The following TUSC3 variants were observed in gnomAD, a reference collection of about 807,000 sequenced individuals.
The protein encoded by TUSC3 is dolichyl-diphosphooligosaccharide--protein glycosyltransferase subunit TUSC3.
Under a neutral mutation model 44.8 loss-of-function variants are expected in TUSC3, and 45 were observed. That is an observed-to-expected ratio of 1.00 (90% CI 0.79 to 1.29). TUSC3 has a LOEUF of 1.29. TUSC3 is among the 50% of genes most tolerant of loss of function. The pLI is 0.00. For synonymous variants in TUSC3, 212 were observed against 152.9 expected (o/e 1.39, Z -2.85); for missense variants, 519 against 437.9 (o/e 1.19, Z -1.65).
At chr8:15,682,769 T>A (rs1253640075) in intron 6 of TUSC3, among the ~76,000 whole-genome samples, 1 of 151,982 alleles carries the variant, frequency 6.6e-6, no homozygotes, top group Non-Finnish European at 1.5e-5. Context: ...TGTGTTTCTG[T>A]GGTGGCAGCT....
At chr8:15,655,536 C>T (rs1389719584) in intron 3 of TUSC3, among the ~76,000 whole-genome samples, 1 of 152,238 alleles carries the variant, frequency 6.6e-6, no homozygotes, top group Admixed American at 6.5e-5. Flanking sequence ...CCGAACAGTG[C>T]ACTTTGATGT....
At chr8:15,476,341 A>T (rs1238652898) in intron 1 of TUSC3, among the ~76,000 whole-genome samples, 1 of 152,140 alleles carries the variant, frequency 6.6e-6, no homozygotes, top group East Asian at 1.9e-4. Context: ...ATTATACTTT[A>T]TCCTTTTTGT....
At chr8:15,770,643 T>C (rs1283385942), downstream of TUSC3, among the ~76,000 whole-genome samples, 2 of 152,070 alleles carry the variant, frequency 1.3e-5, no homozygotes, top group Non-Finnish European at 2.9e-5. Flanking sequence ...AATAATATAG[T>C]AATAATTGGA....
the TUSC3 span, among the ~76,000 whole-genome samples, chr8:15,805,496 G>A: frequency 6.6e-6 from 1 of 152,086 alleles, no homozygotes; most frequent in Non-Finnish European, 1.5e-5. Flanking sequence ...TTATTTTGAT[G>A]TATGTTCCTT....
At chr8:15,592,848 G>A (rs1006073763) in intron 1 of TUSC3, among the ~76,000 whole-genome samples, 1 of 152,036 alleles carries the variant, frequency 6.6e-6, no homozygotes, top group South Asian at 2.1e-4. Flanking sequence ...TTAAAGATGA[G>A]GAAAACGAGG....
chr8:15,583,033 G>A (rs920821813), intron 1 of TUSC3, among the ~76,000 whole-genome samples: 3 of 152,136 alleles, frequency 2.0e-5, no homozygotes, highest in Non-Finnish European at 2.9e-5. Context: ...AAAGATACAT[G>A]TAGCTAGGTG....
At chr8:15,758,031 G>C in intron 10 of TUSC3, 176 bp downstream of exon 10, 1 of 1,405,550 alleles carries the variant, frequency 7.1e-7, no homozygotes, top group Non-Finnish European at 9.2e-7. Flanking sequence ...CTGCCACAGG[G>C]AGAAGTCCTC....
chr8:15,590,781 C>T (rs1241401414), intron 1 of TUSC3, among the ~76,000 whole-genome samples: 1 of 151,858 alleles, frequency 6.6e-6, no homozygotes, highest in African/African-American at 2.4e-5. Flanking sequence ...AGGCAGTCCT[C>T]TCACCACAGC....
rs537796352 is a variant in TUSC3, at chr8:15,650,702, C to T, written c.314C>T (p.Ala105Val). ...PQRQCSVCRQ[A>V]NEEYQILANS... ...TGGCCCATTATTCTTATCAGGCAAGCTAATGAAGAATATCAAATACTGGCG... is the reference window on the plus strand; with the variant it reads ...TGGCCCATTATTCTTATCAGGCAAGTTAATGAAGAATATCAAATACTGGCG... Residue 105 changes from alanine (A) to valine (V), a missense_variant, in exon 3 of 11, where the codon GCT (alanine) becomes GTT (valine). By Grantham distance (64) the Ala-to-Val change is moderately conservative. Transcript: ENST00000503731. 6.2e-7 allele frequency: 1 copy of T among 1,613,908 alleles called. No individual in the cohort carries two copies. Among genetic ancestry groups the T allele is most frequent in the South Asian group, 1.1e-5 (1 of 91,072 alleles).
chr8:15,645,745 A>C (rs189952855), intron 2 of TUSC3, among the ~76,000 whole-genome samples: 68 of 152,240 alleles, frequency 4.5e-4, no homozygotes, highest in Admixed American at 4.1e-3. Flanking sequence ...TGAGTCATGA[A>C]CACTATTCCT....
intron 6 of TUSC3, among the ~76,000 whole-genome samples, chr8:15,680,722 G>C (rs984643622): frequency 2.0e-5 from 3 of 152,042 alleles, no homozygotes; most frequent in Non-Finnish European, 4.4e-5. Flanking sequence ...TGTTGCCTGT[G>C]GGTTTGTCAT....
At chr8:15,566,606 T>TTTG (rs200620047) in intron 1 of TUSC3, among the ~76,000 whole-genome samples, 18 of 143,826 alleles carry the variant, frequency 1.3e-4, no homozygotes, top group African/African-American at 1.8e-4. Flanking sequence ...GACACATTTT[T>TTTG]TTGTTGTTGT....
At chr8:15,720,999 G>A (rs1313130834) in intron 6 of TUSC3, among the ~76,000 whole-genome samples, 2 of 151,948 alleles carry the variant, frequency 1.3e-5, no homozygotes, top group Non-Finnish European at 2.9e-5. Context: ...ATGGACATTC[G>A]TATTCATAGG....
intron 5 of TUSC3, among the ~76,000 whole-genome samples, chr8:15,668,931 G>A (rs1022182663): frequency 6.6e-6 from 1 of 151,734 alleles, no homozygotes; most frequent in Non-Finnish European, 1.5e-5. Context: ...ATGTATGCTG[G>A]TGGTAAATGG....
downstream of TUSC3, among the ~76,000 whole-genome samples, chr8:15,770,593 G>A (rs965732734): frequency 1.3e-5 from 2 of 151,998 alleles, no homozygotes; most frequent in South Asian, 2.1e-4. Flanking sequence ...AAATTCCGAT[G>A]TTGAAAAATA....
At chr8:15,630,168 G>A (rs760135545) in intron 2 of TUSC3, among the ~76,000 whole-genome samples, 5 of 152,114 alleles carry the variant, frequency 3.3e-5, no homozygotes, top group Non-Finnish European at 5.9e-5. Flanking sequence ...CTATGGATCA[G>A]TAGATTTAAG....
chr8:15,797,033 C>T, the TUSC3 span, among the ~76,000 whole-genome samples: 1 of 152,196 alleles, frequency 6.6e-6, no homozygotes, highest in African/African-American at 2.4e-5. Context: ...CTTACCCTCT[C>T]CCTAACTGCA....
At chr8:15,849,587 G>C in the TUSC3 span, among the ~76,000 whole-genome samples, 1 of 152,116 alleles carries the variant, frequency 6.6e-6, no homozygotes, top group Non-Finnish European at 1.5e-5. Flanking sequence ...GCAACAAAGT[G>C]TGATTTCAAC....
intron 3 of TUSC3, among the ~76,000 whole-genome samples, chr8:15,652,128 T>C (rs749261910): frequency 6.6e-6 from 1 of 152,240 alleles, no homozygotes; most frequent in Non-Finnish European, 1.5e-5. Context: ...ATGTTTTTAC[T>C]ATGTGATCAA....
Sources: gnomAD v4.1 joint callset for allele counts (sites outside exome capture counted in the v4.1 genomes callset) on GRCh38, gnomAD v4.1.1 for gene constraint, MANE v1.5 for transcripts, NCBI Gene and HGNC (gene_info 2026-07-23, HGNC 2026-07-21) for gene names.